The following RANBP2 variants were observed in gnomAD, a reference collection of about 807,000 sequenced individuals.
RANBP2 encodes the protein E3 SUMO-protein ligase RanBP2.
RANBP2 carries 57 observed loss-of-function variants against 303.6 expected under a neutral mutation model. The ratio of observed to expected loss-of-function variants is 0.19; its 90% confidence interval spans 0.15 to 0.23. The LOEUF (loss-of-function observed/expected upper bound fraction) is 0.23, where lower values mean the gene tolerates loss of function less well. Among genes scored for constraint, RANBP2 ranks in the 10% least tolerant of loss-of-function variants. The pLI, the probability that RANBP2 is intolerant of heterozygous loss-of-function variation, is 1.00. For missense variants in RANBP2, 3,138 were observed against 3,780.8 expected, an observed-to-expected ratio of 0.83 and a Z score of 4.46; for synonymous variants, 1,167 against 1,301.5, an observed-to-expected ratio of 0.90 and a Z score of 2.23.
At chr2:109,777,579 A>C in the RANBP2 span, among the ~76,000 whole-genome samples, 7,077 of 125,964 alleles carry the variant, frequency 0.056, 385 homozygotes, top group South Asian at 0.13. Flanking sequence ...ATAAAGGAAT[A>C]TGACTTTCTC....
At chr2:109,596,277 G>A in the RANBP2 span, among the ~76,000 whole-genome samples, 1 of 152,124 alleles carries the variant, frequency 6.6e-6, no homozygotes, top group African/African-American at 2.4e-5. Flanking sequence ...GAGTTTTGGT[G>A]AAATGTTGCT....
At chr2:109,615,830 G>A in the RANBP2 span, 4 of 1,614,056 alleles carry the variant, frequency 2.5e-6, no homozygotes, top group Non-Finnish European at 1.7e-6. Flanking sequence ...CGGCTGAGGG[G>A]TGGGTCGGAG....
rs1308970703 is a variant in RANBP2, at chr2:108,782,157, A to G, written c.8790A>G (p.Glu2930=). 6.2e-7 allele frequency: 1 copy of G among 1,614,022 alleles called. No individual in the cohort carries two copies. Among genetic ancestry groups the G allele is most frequent in the African/African-American group, 1.3e-5 (1 of 74,940 alleles). Residue 2930 remains glutamate (E), a synonymous_variant, in exon 27 of 29, where the codon GAA becomes GAG. Transcript: ENST00000283195. ...EVEVKSGEED[E]EILFKERAKL... ...AAGTAAAATCTGGAGAAGAAGATGA[A>G]GAAATTTTGTTTAAAGAGAGAGCCA... is the stretch of plus-strand genomic sequence containing the variant.
the RANBP2 span, among the ~76,000 whole-genome samples, chr2:109,470,327 G>C: frequency 1.3e-5 from 2 of 152,198 alleles, no homozygotes; most frequent in Non-Finnish European, 2.9e-5. Flanking sequence ...ATTTCGGGTA[G>C]ACTCCTGCTC....
At chr2:108,760,947 C>T (rs1195744815) in intron 18 of RANBP2, among the ~76,000 whole-genome samples, 1 of 152,000 alleles carries the variant, frequency 6.6e-6, no homozygotes, top group Admixed American at 6.6e-5. Context: ...TCAAGGCTCA[C>T]TTCAAAAACA....
At chr2:109,056,169 G>A in the RANBP2 span, among the ~76,000 whole-genome samples, 4 of 151,590 alleles carry the variant, frequency 2.6e-5, no homozygotes, top group South Asian at 2.1e-4. Flanking sequence ...GGGGGTGGGG[G>A]AAGACAGGGT....
At chr2:109,068,184 C>T in the RANBP2 span, among the ~76,000 whole-genome samples, 1 of 151,670 alleles carries the variant, frequency 6.6e-6, no homozygotes, top group Non-Finnish European at 1.5e-5. Flanking sequence ...ATGTCGTTTA[C>T]TTTTTCATCT....
chr2:109,510,590 T>G, the RANBP2 span, among the ~76,000 whole-genome samples: 2,176 of 152,256 alleles, frequency 0.014, 67 homozygotes, highest in African/African-American at 0.049. Flanking sequence ...CCCAGAGGGC[T>G]GATGGGGTCC....
Position 108,765,958 on chromosome 2 carries a change from T to G in RANBP2, c.5419T>G (p.Ser1807Ala). 6.2e-7 allele frequency: 1 copy of G among 1,614,170 alleles called. No individual in the cohort carries two copies. Among genetic ancestry groups the G allele is most frequent in the Non-Finnish European group, 8.5e-7 (1 of 1,179,984 alleles). ...SSLKCVACDA[S>A]KPTHKPIAEA... Reference sequence around the variant, plus strand: ...CTTAAAATGTGTGGCTTGTGATGCCTCTAAACCAACTCATAAACCTATTGC... The same window carrying G: ...CTTAAAATGTGTGGCTTGTGATGCCGCTAAACCAACTCATAAACCTATTGC... The change falls in exon 20 of 29, where the codon TCT (serine) becomes GCT (alanine). Residue 1807 changes from serine (S) to alanine (A), a missense_variant. Ser to Ala is a moderately conservative substitution (Grantham distance 99). Transcript: ENST00000283195.
the RANBP2 span, among the ~76,000 whole-genome samples, chr2:109,300,176 T>C: frequency 3.9e-5 from 6 of 152,174 alleles, no homozygotes; most frequent in African/African-American, 1.4e-4. Flanking sequence ...CCCTGAGATA[T>C]GCTCTCGAGA....
chr2:108,912,925 C>T, the RANBP2 span, among the ~76,000 whole-genome samples: 1 of 151,984 alleles, frequency 6.6e-6, no homozygotes, highest in East Asian at 1.9e-4. Context: ...TTTAATGAAC[C>T]CTAAAGAGTC....
At chr2:108,786,720 T>C (rs1423186864), downstream of RANBP2, 1 of 1,117,214 alleles carries the variant, frequency 9.0e-7, no homozygotes, top group South Asian at 1.3e-5. Context: ...CGTGCGTGCC[T>C]CGGGGGGGCG....
At chr2:109,396,382 C>G in the RANBP2 span, among the ~76,000 whole-genome samples, 1 of 152,108 alleles carries the variant, frequency 6.6e-6, no homozygotes, top group Non-Finnish European at 1.5e-5. Context: ...TCATAACCTC[C>G]CTCTGAAAGG....
chr2:109,653,044 A>C, the RANBP2 span, among the ~76,000 whole-genome samples: 497 of 152,246 alleles, frequency 3.3e-3, 3 homozygotes, highest in African/African-American at 0.012. Flanking sequence ...TCAGCCTAGA[A>C]TTTCTCTGCC....
the RANBP2 span, among the ~76,000 whole-genome samples, chr2:109,000,967 G>C: frequency 4.6e-5 from 7 of 152,120 alleles, no homozygotes; most frequent in Non-Finnish European, 8.8e-5. Context: ...TGAGGGACTG[G>C]GTTCCATGTG....
intron 25 of RANBP2, among the ~76,000 whole-genome samples, chr2:108,780,594 A>G (rs143535224): frequency 0.059 from 8,908 of 150,434 alleles, 315 homozygotes; most frequent in South Asian, 0.15. Context: ...CAGTGGGGCA[A>G]TCTCAGCTCA....
the RANBP2 span, chr2:109,574,443 T>TA: frequency 0.072 from 19,257 of 268,020 alleles, 442 homozygotes; most frequent in African/African-American, 0.16. Flanking sequence ...ACTTTATCTC[T>TA]AAAAAAAAAA....
At chr2:109,096,997 C>G in the RANBP2 span, among the ~76,000 whole-genome samples, 1 of 152,076 alleles carries the variant, frequency 6.6e-6, no homozygotes, top group South Asian at 2.1e-4. Flanking sequence ...CTTCCCCCCA[C>G]CCACCAAATT....
At chr2:109,030,029 T>C in the RANBP2 span, among the ~76,000 whole-genome samples, 1 of 152,246 alleles carries the variant, frequency 6.6e-6, no homozygotes, top group Non-Finnish European at 1.5e-5. Context: ...TTCGAGTGTG[T>C]GGGTGAGTCT....
Sources: gnomAD v4.1 joint callset for allele counts (sites outside exome capture counted in the v4.1 genomes callset) on GRCh38, gnomAD v4.1.1 for gene constraint, MANE v1.5 for transcripts, NCBI Gene and HGNC (gene_info 2026-07-23, HGNC 2026-07-21) for gene names.